Variants in GALNT17 observed in about 807,000 individuals in gnomAD.
GALNT17 encodes the protein polypeptide N-acetylgalactosaminyltransferase 17.
Under a neutral mutation model 63.7 loss-of-function variants are expected in GALNT17, and 29 were observed. The ratio of observed to expected loss-of-function variants is 0.46; its 90% CI spans 0.34 to 0.62. The LOEUF is 0.62. GALNT17 is among the 20% of genes least tolerant of loss of function. GALNT17 has a pLI of 0.01. For synonymous variants in GALNT17, 305 were observed against 318.3 expected (o/e 0.96, Z 0.45); for missense variants, 603 against 799.6 (o/e 0.75, Z 2.97).
intron 5 of GALNT17, among the ~76,000 whole-genome samples, chr7:71,567,756 C>A (rs1789373216): frequency 6.6e-6 from 1 of 152,190 alleles, no homozygotes; most frequent in Admixed American, 6.5e-5. Context: ...AGCCACCGCA[C>A]CCAGCCCCTT....
intron 1 of GALNT17, among the ~76,000 whole-genome samples, chr7:71,152,159 A>C (rs1272191149): frequency 1.3e-5 from 2 of 152,144 alleles, no homozygotes; most frequent in Non-Finnish European, 2.9e-5. Flanking sequence ...GACTTGAATA[A>C]AGGGGATAAA....
At chr7:71,332,234 C>T (rs999786981) in intron 1 of GALNT17, among the ~76,000 whole-genome samples, 2 of 151,500 alleles carry the variant, frequency 1.3e-5, no homozygotes, top group Admixed American at 1.3e-4. Flanking sequence ...AATTTTTGCC[C>T]CTAGTTCTGA....
rs144781283 is a variant in GALNT17, at chr7:71,574,015, A to G, written c.1080+2613A>G. On this transcript the variant is annotated intron_variant, in intron 6 of 10. Coordinates refer to ENST00000333538, the MANE Select transcript of GALNT17 (RefSeq NM_022479.3). ...CTCCTTCTTCTTACAGCTGTGCAGT[A>G]TTCCATTGCGTACATGTACAACACT... Among the ~76,000 whole-genome samples, 386 of 152,326 alleles carry G rather than the reference A, an allele frequency of 2.5e-3. 1 individual carries two copies. The highest frequency in any genetic ancestry group is 3.8e-3 in the Admixed American group (58 of 15,286).
intron 1 of GALNT17, among the ~76,000 whole-genome samples, chr7:71,208,831 A>C (rs1332680653): frequency 6.6e-6 from 1 of 152,136 alleles, no homozygotes; most frequent in African/African-American, 2.4e-5. Context: ...TTATGATATG[A>C]TATGGGCTTC....
chr7:71,406,979 T>A (rs2116405303), intron 3 of GALNT17, among the ~76,000 whole-genome samples: 1 of 152,332 alleles, frequency 6.6e-6, no homozygotes, highest in Middle Eastern at 3.4e-3. Flanking sequence ...TGCAGAAATG[T>A]CAAGTGTCCT....
At chr7:71,427,962 C>T (rs1055508769) in intron 5 of GALNT17, among the ~76,000 whole-genome samples, 3 of 152,208 alleles carry the variant, frequency 2.0e-5, no homozygotes, top group Non-Finnish European at 4.4e-5. Context: ...AAACCATCCC[C>T]ACCCACCACC....
chr7:71,426,291 G>A (rs138395386), intron 5 of GALNT17, among the ~76,000 whole-genome samples: 1 of 152,318 alleles, frequency 6.6e-6, no homozygotes, highest in African/African-American at 2.4e-5. Flanking sequence ...TTCCCCTCAT[G>A]TTGTATTATT....
chr7:71,244,309 A>C (rs1245163599), intron 1 of GALNT17, among the ~76,000 whole-genome samples: 1 of 152,334 alleles, frequency 6.6e-6, no homozygotes, highest in South Asian at 2.1e-4. Context: ...ATTGACACTA[A>C]GACATTTCAG....
At chr7:71,290,929 C>CA (rs1265523045) in intron 1 of GALNT17, among the ~76,000 whole-genome samples, 1 of 151,962 alleles carries the variant, frequency 6.6e-6, no homozygotes, top group Non-Finnish European at 1.5e-5. Flanking sequence ...CGACATCACT[C>CA]ACCTTCTCCG....
chr7:71,666,014 C>T (rs968753654), intron 7 of GALNT17, among the ~76,000 whole-genome samples: 2 of 152,150 alleles, frequency 1.3e-5, no homozygotes, highest in Non-Finnish European at 2.9e-5. Context: ...CCTAGCTCTT[C>T]AGCTCTCCTC....
chr7:71,697,432 AGG>A (rs985761884), intron 9 of GALNT17, among the ~76,000 whole-genome samples: 4 of 152,132 alleles, frequency 2.6e-5, no homozygotes, highest in African/African-American at 7.2e-5. Flanking sequence ...TGAAAGGATG[AGG>A]GAGGGGAAGG....
intron 5 of GALNT17, among the ~76,000 whole-genome samples, chr7:71,506,018 G>A (rs997266454): frequency 6.6e-6 from 1 of 152,114 alleles, no homozygotes; most frequent in Non-Finnish European, 1.5e-5. Flanking sequence ...CAAAACCAAG[G>A]GAGAAGTATT....
At chr7:71,440,698 C>T (rs796700779) in intron 5 of GALNT17, among the ~76,000 whole-genome samples, 15 of 152,232 alleles carry the variant, frequency 9.9e-5, no homozygotes, top group African/African-American at 3.4e-4. Context: ...TTCTTGTCTC[C>T]TGGCCCTTCT....
chr7:71,360,044 G>A (rs1280821582), intron 2 of GALNT17, among the ~76,000 whole-genome samples: 1 of 152,130 alleles, frequency 6.6e-6, no homozygotes, highest in Non-Finnish European at 1.5e-5. Flanking sequence ...AAAATCCCTT[G>A]AGGCTCTTAT....
chr7:71,699,415 G>A (rs1396535580), intron 9 of GALNT17, among the ~76,000 whole-genome samples: 1 of 150,370 alleles, frequency 6.7e-6, no homozygotes, highest in Non-Finnish European at 1.5e-5. Flanking sequence ...GGCAGAGGTT[G>A]CAGTGAGCCG....
chr7:71,619,725 T>C (rs1475973169), intron 6 of GALNT17, among the ~76,000 whole-genome samples: 1 of 152,190 alleles, frequency 6.6e-6, no homozygotes, highest in East Asian at 1.9e-4. Flanking sequence ...ATATACAGTT[T>C]TATTGTCAGT....
At chr7:71,535,820 C>G (rs991136315) in intron 5 of GALNT17, among the ~76,000 whole-genome samples, 16 of 152,310 alleles carry the variant, frequency 1.1e-4, no homozygotes, top group African/African-American at 3.8e-4. Flanking sequence ...AACAGAGTCA[C>G]TTGGCAATTT....
chr7:71,687,658 G>A (rs1473488435), intron 9 of GALNT17, among the ~76,000 whole-genome samples: 1 of 152,120 alleles, frequency 6.6e-6, no homozygotes, highest in African/African-American at 2.4e-5. Flanking sequence ...TCACCATGGG[G>A]GTCAAATCAG....
intron 6 of GALNT17, among the ~76,000 whole-genome samples, chr7:71,651,948 C>G (rs895275525): frequency 1.3e-5 from 2 of 152,048 alleles, no homozygotes; most frequent in Non-Finnish European, 2.9e-5. Context: ...CAATCCCCCC[C>G]AGCTCGGCCT....
Sources: allele counts gnomAD v4.1 joint callset (sites outside exome capture counted in the v4.1 genomes callset), GRCh38; gene constraint gnomAD v4.1.1; transcripts MANE v1.5; gene names NCBI Gene and HGNC (gene_info 2026-07-23, HGNC 2026-07-21).